ARHGAP24: variants seen among roughly 807,000 people sequenced by gnomAD.
ARHGAP24 encodes the protein Rho GTPase activating protein 24, also known as rho GTPase-activating protein 24.
A neutral mutation model predicts 76.4 loss-of-function variants in ARHGAP24; 50 were observed. The ratio of observed to expected loss-of-function variants is 0.65; its 90% confidence interval spans 0.52 to 0.83. The LOEUF is 0.83. ARHGAP24 is among the 40% of genes least tolerant of loss of function. The pLI, the probability that ARHGAP24 is intolerant of heterozygous loss-of-function variation, is 0.00. For missense variants in ARHGAP24, 930 were observed against 914.2 expected, an observed-to-expected ratio of 1.02 and a Z score of -0.22; for synonymous variants, 345 against 323.3, an observed-to-expected ratio of 1.07 and a Z score of -0.72.
At chr4:85,889,296 TAGA>T (rs1413510025) in intron 3 of ARHGAP24, among the ~76,000 whole-genome samples, 1 of 152,130 alleles carries the variant, frequency 6.6e-6, no homozygotes, top group African/African-American at 2.4e-5. Flanking sequence ...TCCGGCAAGA[TAGA>T]GAGAGAGGCA....
intron 3 of ARHGAP24, among the ~76,000 whole-genome samples, chr4:85,725,673 G>A (rs1053486672): frequency 1.3e-5 from 2 of 152,210 alleles, no homozygotes; most frequent in African/African-American, 4.8e-5. Flanking sequence ...TCTGGAATTA[G>A]AAATCCACTT....
chr4:85,553,199 T>G (rs1726214811), intron 1 of ARHGAP24, among the ~76,000 whole-genome samples: 1 of 152,040 alleles, frequency 6.6e-6, no homozygotes, highest in Non-Finnish European at 1.5e-5. Context: ...GTGTTACAGC[T>G]CATAAAGGTA....
chr4:85,973,836 T>TTTTTG (rs1739141897), intron 6 of ARHGAP24, among the ~76,000 whole-genome samples: 1 of 74,986 alleles, frequency 1.3e-5, no homozygotes, highest in Non-Finnish European at 2.6e-5. Flanking sequence ...GCCTATTGTT[T>TTTTTG]TTTTTTTTTT....
intron 3 of ARHGAP24, among the ~76,000 whole-genome samples, chr4:85,764,739 T>C (rs1726862980): frequency 6.6e-6 from 1 of 152,070 alleles, no homozygotes; most frequent in Non-Finnish European, 1.5e-5. Flanking sequence ...TTCTGAATGC[T>C]CACAAGGAAA....
chr4:85,555,663 T>C (rs1225561992), intron 1 of ARHGAP24, among the ~76,000 whole-genome samples: 1 of 152,348 alleles, frequency 6.6e-6, no homozygotes, highest in African/African-American at 2.4e-5. Context: ...TTTATGTTCC[T>C]TTCTAGCTGG....
chr4:86,001,224 C>T lies in ARHGAP24; in HGVS notation c.*502C>T. The stretch of plus-strand genomic sequence containing the variant: ...ATGAGTTATTAAAATCAGAAGAATA[C>T]TTTGTGGCTGTGCTGTTTGTGCCAA... On this transcript the variant is annotated 3_prime_UTR_variant, in exon 10 of 10. Transcript: ENST00000395184. 2 of 398,766 alleles carry T rather than the reference C, an allele frequency of 5.0e-6. No homozygotes were observed. The highest frequency in any genetic ancestry group is 4.4e-5 in the Admixed American group (1 of 22,710). The allele number at this position is 398,766 out of a possible 1,614,324, so 24.7% of individuals were successfully genotyped here. A position where few individuals can be genotyped will look rare whatever the true frequency, so the allele number is the denominator to read the frequency against.
intron 3 of ARHGAP24, among the ~76,000 whole-genome samples, chr4:85,773,777 T>A (rs1727214523): frequency 6.6e-6 from 1 of 152,202 alleles, no homozygotes; most frequent in Non-Finnish European, 1.5e-5. Context: ...GGGAAATTTC[T>A]ATTCTGAATA....
Position 85,509,451 on chromosome 4 carries a change from TA to T in ARHGAP24, c.-21+33900del, listed in dbSNP as rs200906802. ...ATAAGGAAAAGCGATGGCTAGATTATAAAAAAAAGTTACACATATTTGAAAA... is the reference window on the plus strand; with the variant it reads ...ATAAGGAAAAGCGATGGCTAGATTATAAAAAAAGTTACACATATTTGAAAA... On this transcript the variant is annotated intron_variant, in intron 1 of 9. Transcript: ENST00000395184. Among the ~76,000 whole-genome samples the T allele has an allele frequency of 1.2e-3, 185 of 151,872 alleles. 4 individuals are homozygous for T. The East Asian group carries it at 0.026, about 21-fold the overall frequency.
intron 2 of ARHGAP24, among the ~76,000 whole-genome samples, chr4:85,571,980 C>G (rs1727156922): frequency 1.3e-5 from 2 of 152,172 alleles, no homozygotes; most frequent in South Asian, 4.1e-4. Flanking sequence ...GGTATCATGA[C>G]AGTTATAGTA....
intron 1 of ARHGAP24, among the ~76,000 whole-genome samples, chr4:85,556,166 G>A (rs995012313): frequency 6.6e-6 from 1 of 152,038 alleles, no homozygotes; most frequent in African/African-American, 2.4e-5. Flanking sequence ...TCACAGAGAG[G>A]AGAGCCTGAG....
chr4:85,661,473 T>A (rs28429534), intron 2 of ARHGAP24, among the ~76,000 whole-genome samples: 2 of 152,182 alleles, frequency 1.3e-5, no homozygotes, highest in Admixed American at 6.5e-5. Flanking sequence ...CAATAAGGTA[T>A]GTGAAAGTTT....
At chr4:85,828,682 T>C (rs1729841845) in intron 3 of ARHGAP24, among the ~76,000 whole-genome samples, 1 of 152,222 alleles carries the variant, frequency 6.6e-6, no homozygotes, top group Non-Finnish European at 1.5e-5. Flanking sequence ...TATGTAAGCT[T>C]GTAGAAGTAC....
intron 3 of ARHGAP24, 118 bp downstream of exon 3, chr4:85,722,090 T>C: frequency 2.2e-6 from 2 of 914,282 alleles, no homozygotes; most frequent in South Asian, 2.8e-5. Flanking sequence ...ATTTGAGGCT[T>C]GGTTAGTGTT....
chr4:85,646,296 C>T (rs1226060822), intron 2 of ARHGAP24, among the ~76,000 whole-genome samples: 1 of 151,804 alleles, frequency 6.6e-6, no homozygotes, highest in African/African-American at 2.4e-5. Flanking sequence ...GATAAATGAC[C>T]TGTTAAAGAA....
At chr4:85,971,730 A>C (rs929549997) in intron 5 of ARHGAP24, among the ~76,000 whole-genome samples, 1 of 151,874 alleles carries the variant, frequency 6.6e-6, no homozygotes, top group African/African-American at 2.4e-5. Context: ...ACCTTACTAT[A>C]TTTTGTATTC....
chr4:85,656,463 G>C (rs936370234), intron 2 of ARHGAP24, among the ~76,000 whole-genome samples: 2 of 152,020 alleles, frequency 1.3e-5, no homozygotes, highest in Admixed American at 1.3e-4. Flanking sequence ...ATTTAATAAA[G>C]CTTTGTTTGT....
At chr4:85,819,407 G>A (rs376427314) in intron 3 of ARHGAP24, among the ~76,000 whole-genome samples, 1 of 152,144 alleles carries the variant, frequency 6.6e-6, no homozygotes, top group African/African-American at 2.4e-5. Flanking sequence ...AGGTTGCTCA[G>A]TTGGGGAAAT....
At chr4:85,872,721 C>T (rs1732610617) in intron 3 of ARHGAP24, among the ~76,000 whole-genome samples, 1 of 150,662 alleles carries the variant, frequency 6.6e-6, no homozygotes, top group Non-Finnish European at 1.5e-5. Flanking sequence ...CCTCAGCCAC[C>T]CAAATAGCTG....
intron 1 of ARHGAP24, among the ~76,000 whole-genome samples, chr4:85,538,278 A>T (rs891767819): frequency 6.6e-6 from 1 of 152,170 alleles, no homozygotes; most frequent in Non-Finnish European, 1.5e-5. Flanking sequence ...TTTGCAAATA[A>T]ATCTGCCTAT....
Sources: allele counts gnomAD v4.1 joint callset (sites outside exome capture counted in the v4.1 genomes callset), GRCh38; gene constraint gnomAD v4.1.1; transcripts MANE v1.5; gene names NCBI Gene and HGNC (gene_info 2026-07-23, HGNC 2026-07-21).